TRRAP: variants seen among roughly 807,000 people sequenced by gnomAD.
TRRAP encodes the protein transformation/transcription domain-associated protein.
TRRAP carries 41 observed loss-of-function variants against 438.8 expected under a neutral mutation model. That is an observed-to-expected ratio of 0.09 (90% CI 0.07 to 0.12). The LOEUF (loss-of-function observed/expected upper bound fraction) is 0.12, where lower values mean the gene tolerates loss of function less well. Among genes scored for constraint, TRRAP ranks in the 10% least tolerant of loss-of-function variants. The pLI is 1.00. For synonymous variants in TRRAP, 1,994 were observed against 1,962.9 expected (o/e 1.02, Z -0.42); for missense variants, 3,122 against 5,055.1 (o/e 0.62, Z 11.60).
intron 12 of TRRAP, 30 bp downstream of exon 12, chr7:98,903,547 T>C (rs1554407059): frequency 6.2e-7 from 1 of 1,613,390 alleles, no homozygotes; most frequent in South Asian, 1.1e-5. Context: ...TCTTGAATGC[T>C]GATGCTAGTC....
intron 12 of TRRAP, among the ~76,000 whole-genome samples, chr7:98,904,266 G>A (rs1410177563): frequency 1.3e-5 from 2 of 151,882 alleles, no homozygotes; most frequent in Admixed American, 6.6e-5. Flanking sequence ...AGCGGATCAC[G>A]AGGTCAGGAG....
At chr7:98,906,120 T>C in intron 12 of TRRAP, 57 bp from the exon 13 acceptor site, 1 of 1,521,980 alleles carries the variant, frequency 6.6e-7, no homozygotes, top group Non-Finnish European at 9.1e-7. Context: ...TGTAAAGTAA[T>C]TTAATGTGTG....
intron 29 of TRRAP, 127 bp from the exon 30 acceptor site, chr7:98,937,521 GTA>G (rs1790611723): frequency 1.7e-6 from 2 of 1,157,488 alleles, no homozygotes; most frequent in East Asian, 5.4e-5. Flanking sequence ...TTCTGAAATA[GTA>G]TATGATTAAT....
chr7:98,907,700 T>C (rs1326686442), intron 13 of TRRAP, among the ~76,000 whole-genome samples: 2 of 152,212 alleles, frequency 1.3e-5, no homozygotes, highest in African/African-American at 2.4e-5. Flanking sequence ...GTTCTACATC[T>C]TGTGTTGGTC....
chr7:98,925,085 T>C, intron 21 of TRRAP, 27 bp from the exon 22 acceptor site: 1 of 1,592,084 alleles, frequency 6.3e-7, no homozygotes, highest in Non-Finnish European at 8.5e-7. Flanking sequence ...CAGCACAAAC[T>C]GTAGTTTCTT....
At chr7:98,954,396 T>C (rs1663764686) in intron 40 of TRRAP, among the ~76,000 whole-genome samples, 1 of 152,256 alleles carries the variant, frequency 6.6e-6, no homozygotes, top group Non-Finnish European at 1.5e-5. Flanking sequence ...TTGACAGCTT[T>C]CCCCTGACAT....
intron 49 of TRRAP, among the ~76,000 whole-genome samples, chr7:98,966,379 T>C (rs964646589): frequency 6.6e-6 from 1 of 152,172 alleles, no homozygotes; most frequent in African/African-American, 2.4e-5. Context: ...GTTGCTCATC[T>C]TAATGTGGCT....
At chr7:98,889,426 G>A (rs1256456967) in intron 3 of TRRAP, among the ~76,000 whole-genome samples, 1 of 152,032 alleles carries the variant, frequency 6.6e-6, no homozygotes, top group Non-Finnish European at 1.5e-5. Flanking sequence ...CTATAAGGAA[G>A]GCGGGAAATA....
intron 3 of TRRAP, among the ~76,000 whole-genome samples, chr7:98,886,092 C>T (rs1410998661): frequency 6.6e-6 from 1 of 152,142 alleles, no homozygotes; most frequent in Non-Finnish European, 1.5e-5. Flanking sequence ...CGAGACCAAC[C>T]TGGCCAACAT....
intron 10 of TRRAP, 25 bp downstream of exon 10, chr7:98,899,792 C>T: frequency 1.2e-6 from 2 of 1,609,294 alleles, no homozygotes; most frequent in Non-Finnish European, 1.7e-6. Context: ...TAGCCGGCTG[C>T]CACAGTGCCT....
At chr7:99,006,531 A>C (rs1222188324) in intron 69 of TRRAP, among the ~76,000 whole-genome samples, 4 of 152,086 alleles carry the variant, frequency 2.6e-5, no homozygotes, top group Non-Finnish European at 4.4e-5. Flanking sequence ...TGTGTCCTGG[A>C]GTCATTTGGG....
At chr7:98,924,385 G>A (rs1412555428) in intron 21 of TRRAP, among the ~76,000 whole-genome samples, 1 of 152,196 alleles carries the variant, frequency 6.6e-6, no homozygotes, top group Non-Finnish European at 1.5e-5. Context: ...TGTACCCACT[G>A]TGCTCTCTTC....
In TRRAP at chr7:99,008,550, G is replaced by A; in HGVS notation, c.10927G>A (p.Ala3643Thr). 1 of 1,613,546 alleles carries A rather than the reference G, an allele frequency of 6.2e-7. No individual in the cohort carries two copies. Among genetic ancestry groups the A allele is most frequent in the Non-Finnish European group, 8.5e-7 (1 of 1,179,968 alleles). The change falls in exon 70 of 73, where the codon GCC becomes ACC. Residue 3643 changes from alanine to threonine, a missense_variant. This residue lies in a region of TRRAP where 192 missense variants were observed against 355.6 expected (regional missense o/e 0.54). Coordinates refer to ENST00000456197, the MANE Select transcript of TRRAP (RefSeq NM_001375524.1). ...TACGGTGCAGGCGCGGGGAACCCAA[G>A]CCAGCCACCAGGTAGCAGTGGGGCC... ...LATVQARGTQ[A>T]SHQVLRDILK...
intron 30 of TRRAP, among the ~76,000 whole-genome samples, chr7:98,939,353 G>A (rs1319353951): frequency 6.6e-6 from 1 of 151,928 alleles, no homozygotes; most frequent in Non-Finnish European, 1.5e-5. Flanking sequence ...GTATCACAGT[G>A]CACAGATACA....
chr7:98,961,570 C>T (rs1421019736), intron 46 of TRRAP, 96 bp downstream of exon 46: 29 of 1,419,360 alleles, frequency 2.0e-5, no homozygotes, highest in South Asian at 6.2e-5. Context: ...TTGTGTCGAG[C>T]GCTTTGTTAT....
intron 53 of TRRAP, among the ~76,000 whole-genome samples, chr7:98,974,876 G>A (rs1404074819): frequency 2.8e-5 from 4 of 140,702 alleles, no homozygotes; most frequent in African/African-American, 1.0e-4. Flanking sequence ...CAGCTGTGCT[G>A]TGATGATGAT....
At position 99,004,331 on chromosome 7, in the gene TRRAP, A is replaced by G; in HGVS notation, c.10451A>G (p.Asn3484Ser). ...GAGGAAAAGTGCCGGTTCTTGAGCAATTTCTCGGCACAGACAGCTGAAGTG... is the reference window on the plus strand; with the variant it reads ...GAGGAAAAGTGCCGGTTCTTGAGCAGTTTCTCGGCACAGACAGCTGAAGTG... ...LIEEKCRFLSNFSAQTAEVEI... is the reference protein window; with the variant it reads ...LIEEKCRFLSSFSAQTAEVEI... Residue 3484 changes from asparagine (N) to serine (S), a missense_variant, in exon 68 of 73, where the codon AAT (asparagine) becomes AGT (serine). Asn to Ser is a conservative substitution (Grantham distance 46). Coordinates refer to ENST00000456197, the MANE Select transcript of TRRAP (RefSeq NM_001375524.1). 1.2e-6 allele frequency: 2 copies of G among 1,614,178 alleles called. No individual in the cohort carries two copies. The highest frequency in any genetic ancestry group is 1.1e-5 in the South Asian group (1 of 91,078).
chr7:98,958,673 C>T (rs1354310449), intron 44 of TRRAP, among the ~76,000 whole-genome samples: 1 of 152,098 alleles, frequency 6.6e-6, no homozygotes, highest in Non-Finnish European at 1.5e-5. Context: ...TAGTTGACAG[C>T]ATGTTAACAT....
At chr7:99,000,233 T>C (rs1468393810) in intron 67 of TRRAP, among the ~76,000 whole-genome samples, 2 of 152,084 alleles carry the variant, frequency 1.3e-5, no homozygotes, top group Non-Finnish European at 2.9e-5. Flanking sequence ...GGTTTTGAAC[T>C]CCTGACCTCA....
Sources: allele counts gnomAD v4.1 joint callset (sites outside exome capture counted in the v4.1 genomes callset), GRCh38; gene constraint gnomAD v4.1.1; regional missense constraint gnomAD v4.1.1; transcripts MANE v1.5; gene names NCBI Gene and HGNC (gene_info 2026-07-23, HGNC 2026-07-21).